PTPRD: variants seen among roughly 807,000 people sequenced by gnomAD.
PTPRD encodes the protein protein tyrosine phosphatase receptor type D, also known as receptor-type tyrosine-protein phosphatase delta.
Under a neutral mutation model 214.5 loss-of-function variants are expected in PTPRD, and 34 were observed. The ratio of observed to expected loss-of-function variants is 0.16; its 90% CI spans 0.12 to 0.21. The LOEUF (loss-of-function observed/expected upper bound fraction) is 0.21, where lower values mean the gene tolerates loss of function less well. PTPRD is among the 10% of genes least tolerant of loss of function. PTPRD has a pLI of 1.00. For synonymous variants in PTPRD, 1,128 were observed against 845.7 expected, an observed-to-expected ratio of 1.33 and a Z score of -5.79; for missense variants, 2,545 against 2,398.7, an observed-to-expected ratio of 1.06 and a Z score of -1.27.
At chr9:10,555,660 T>G (rs959861404) in intron 2 of PTPRD, among the ~76,000 whole-genome samples, 1 of 152,204 alleles carries the variant, frequency 6.6e-6, no homozygotes, top group Admixed American at 6.5e-5. Flanking sequence ...AGACAAATCC[T>G]TTTTATTACA....
At chr9:10,155,859 G>C (rs2099089386) in intron 3 of PTPRD, among the ~76,000 whole-genome samples, 1 of 152,018 alleles carries the variant, frequency 6.6e-6, no homozygotes, top group South Asian at 2.1e-4. Flanking sequence ...GTATATCCTT[G>C]AGGATTTTTG....
chr9:10,284,987 A>G (rs1226720540), intron 3 of PTPRD, among the ~76,000 whole-genome samples: 2 of 152,190 alleles, frequency 1.3e-5, no homozygotes, highest in East Asian at 3.8e-4. Context: ...CACTATTCCA[A>G]ATGGTATGAA....
At chr9:9,017,502 T>C (rs1485951956) in intron 11 of PTPRD, among the ~76,000 whole-genome samples, 2 of 152,196 alleles carry the variant, frequency 1.3e-5, no homozygotes, top group African/African-American at 2.4e-5. Flanking sequence ...GTTTAACATA[T>C]GCTTTCCGCA....
chr9:8,990,893 C>T (rs930221403), intron 11 of PTPRD, among the ~76,000 whole-genome samples: 3 of 151,890 alleles, frequency 2.0e-5, no homozygotes, highest in African/African-American at 7.3e-5. Context: ...TACATGGCTG[C>T]CTATACTTCA....
At chr9:9,372,416 T>C (rs2059767788) in intron 9 of PTPRD, among the ~76,000 whole-genome samples, 1 of 152,146 alleles carries the variant, frequency 6.6e-6, no homozygotes, top group Admixed American at 6.6e-5. Context: ...GTCTGTTTTA[T>C]CAGAGACTAG....
chr9:9,305,259 CTT>C (rs978280303), intron 9 of PTPRD, among the ~76,000 whole-genome samples: 1 of 151,778 alleles, frequency 6.6e-6, no homozygotes, highest in Admixed American at 6.6e-5. Context: ...TAGATATTTA[CTT>C]TTTTTGTTCT....
At chr9:10,145,832 T>C (rs2099018585) in intron 3 of PTPRD, among the ~76,000 whole-genome samples, 1 of 151,942 alleles carries the variant, frequency 6.6e-6, no homozygotes, top group Admixed American at 6.6e-5. Context: ...TGGTAGAAAA[T>C]CTGGAAAATG....
At chr9:9,701,887 G>C (rs1442081738) in intron 7 of PTPRD, among the ~76,000 whole-genome samples, 2 of 152,148 alleles carry the variant, frequency 1.3e-5, no homozygotes, top group African/African-American at 4.8e-5. Context: ...GGGAGGCCGA[G>C]GCGGGTGGAC....
intron 3 of PTPRD, among the ~76,000 whole-genome samples, chr9:10,116,905 T>C (rs1303180721): frequency 2.6e-5 from 4 of 152,052 alleles, no homozygotes; most frequent in Non-Finnish European, 5.9e-5. Flanking sequence ...ATGCATAATG[T>C]ACTCATCTGC....
At chr9:8,476,167 G>A (rs1025211695) in intron 30 of PTPRD, among the ~76,000 whole-genome samples, 10 of 152,098 alleles carry the variant, frequency 6.6e-5, no homozygotes, top group Middle Eastern at 3.2e-3. Flanking sequence ...ATTTTTCCAC[G>A]GACAGGGTGG....
At position 9,353,123 on chromosome 9, in the gene PTPRD, G is replaced by A. The variant is rs944185369; in HGVS notation, c.-203+44326C>T. On this transcript the variant is annotated intron_variant, in intron 9 of 45. Coordinates refer to ENST00000381196, the MANE Select transcript of PTPRD (RefSeq NM_002839.4). ...ATGTTCACTAGAGAAGTTCAGGCTC[G>A]GTCAAAAGACTGTCCTTGAAATCCT... Among the ~76,000 whole-genome samples the A allele has an allele frequency of 4.0e-5, 6 of 151,824 alleles. No individual in the cohort carries two copies. In the East Asian group the frequency reaches 5.8e-4, roughly 15 times the overall value.
chr9:9,527,714 G>T (rs1044720549), intron 8 of PTPRD, among the ~76,000 whole-genome samples: 7 of 151,940 alleles, frequency 4.6e-5, no homozygotes, highest in Non-Finnish European at 8.8e-5. Context: ...TTCCCAATAA[G>T]GAGTTTATTT....
intron 2 of PTPRD, among the ~76,000 whole-genome samples, chr9:10,429,375 C>G (rs2098655534): frequency 6.6e-6 from 1 of 152,032 alleles, no homozygotes; most frequent in South Asian, 2.1e-4. Flanking sequence ...CTAAAAGAAA[C>G]CCTGCAGTTT....
chr9:9,030,996 A>G (rs1389922331), intron 10 of PTPRD, among the ~76,000 whole-genome samples: 1 of 151,962 alleles, frequency 6.6e-6, no homozygotes, highest in Non-Finnish European at 1.5e-5. Context: ...TGAGTCTGAT[A>G]TAATGGTGGG....
intron 21 of PTPRD, among the ~76,000 whole-genome samples, chr9:8,515,451 A>C (rs1346270777): frequency 6.6e-6 from 1 of 152,192 alleles, no homozygotes; most frequent in Admixed American, 6.5e-5. Context: ...TCCCACAAAA[A>C]TCCATATGTT....
intron 5 of PTPRD, among the ~76,000 whole-genome samples, chr9:9,823,353 C>T (rs370312182): frequency 1.3e-5 from 2 of 151,904 alleles, no homozygotes; most frequent in Admixed American, 6.6e-5. Context: ...GGAGATGACA[C>T]GTACTTTTAA....
intron 37 of PTPRD, among the ~76,000 whole-genome samples, chr9:8,377,673 T>A (rs2083665369): frequency 6.6e-6 from 1 of 151,944 alleles, no homozygotes; most frequent in East Asian, 1.9e-4. Flanking sequence ...TAAAGAAAGC[T>A]CCTAGCAGTA....
At chr9:9,811,844 T>C (rs1011916865) in intron 5 of PTPRD, among the ~76,000 whole-genome samples, 1 of 152,108 alleles carries the variant, frequency 6.6e-6, no homozygotes, top group Non-Finnish European at 1.5e-5. Flanking sequence ...TTTGAGGGGA[T>C]TGACTCTAAT....
At chr9:9,211,566 A>T (rs2099948736) in intron 9 of PTPRD, among the ~76,000 whole-genome samples, 1 of 149,058 alleles carries the variant, frequency 6.7e-6, no homozygotes, top group Non-Finnish European at 1.5e-5. Context: ...CACAAGAGCT[A>T]AGGTTTCTTC....
Sources: allele counts gnomAD v4.1 joint callset (sites outside exome capture counted in the v4.1 genomes callset), GRCh38; gene constraint gnomAD v4.1.1; transcripts MANE v1.5; gene names NCBI Gene and HGNC (gene_info 2026-07-23, HGNC 2026-07-21).